The following JMJD1C variants were observed in gnomAD, a reference collection of about 807,000 sequenced individuals.
JMJD1C encodes the protein jumonji domain-containing protein 1C.
A neutral mutation model predicts 245.3 loss-of-function variants in JMJD1C; 31 were observed. That is an observed-to-expected ratio of 0.13 (90% confidence interval 0.09 to 0.17). The LOEUF (loss-of-function observed/expected upper bound fraction) is 0.17, where lower values mean the gene tolerates loss of function less well. Ranked by LOEUF, JMJD1C falls within the 10% of genes least tolerant of loss-of-function variation. The pLI is 1.00. For synonymous variants in JMJD1C, 1,057 were observed against 1,017.4 expected (o/e 1.04, Z -0.74); for missense variants, 2,691 against 3,000.2 (o/e 0.90, Z 2.41).
chr10:63,360,929 C>T (rs559809961), intron 2 of JMJD1C, among the ~76,000 whole-genome samples: 10 of 152,148 alleles, frequency 6.6e-5, no homozygotes, highest in African/African-American at 2.4e-4. Flanking sequence ...GGATTACATG[C>T]GTGAGCCACC....
intron 3 of JMJD1C, among the ~76,000 whole-genome samples, chr10:63,229,527 T>G: frequency 6.6e-6 from 1 of 152,250 alleles, no homozygotes; most frequent in South Asian, 2.1e-4. Flanking sequence ...TAATATAAAA[T>G]ATGCTTAGTC....
Position 63,487,469 on chromosome 10 carries a change from T to TA in JMJD1C, n.113+34268dup, listed in dbSNP as rs551004277. ...CAGTGGATAGAGGCTAGGATGCTGC[T>TA]AAACATCCTATAATGCCAAGGACAG... is the stretch of plus-strand genomic sequence containing the variant. On this transcript the variant is annotated intron_variant and non_coding_transcript_variant, in intron 1 of 3. Transcript: ENST00000633035. 1.1e-3 allele frequency among the ~76,000 whole-genome samples: 173 copies of TA among 152,310 alleles called. 1 individual carries two copies. Among genetic ancestry groups the TA allele is most frequent in the Non-Finnish European group, 2.2e-3 (147 of 68,026 alleles).
chr10:63,328,332 G>A (rs1253047176), intron 2 of JMJD1C, among the ~76,000 whole-genome samples: 2 of 151,842 alleles, frequency 1.3e-5, no homozygotes, highest in African/African-American at 4.8e-5. Flanking sequence ...AATTTAGCTT[G>A]TCACATATAT....
chr10:63,487,336 A>G (rs772242217), intron 1 of JMJD1C, among the ~76,000 whole-genome samples: 1 of 152,202 alleles, frequency 6.6e-6, no homozygotes, highest in Non-Finnish European at 1.5e-5. Flanking sequence ...AGTGATTCTC[A>G]ACACAGGAGG....
Position 63,208,474 on chromosome 10 carries a change from T to G in JMJD1C, c.3195A>C (p.Lys1065Asn). 1.2e-6 allele frequency: 2 copies of G among 1,613,608 alleles called. No homozygotes were observed. Among genetic ancestry groups the G allele is most frequent in the Non-Finnish European group, 1.7e-6 (2 of 1,179,560 alleles). Residue 1065 changes from lysine (K) to asparagine (N), a missense_variant, in exon 10 of 26, where the codon AAA becomes AAC. Transcript: ENST00000399262. Reference protein sequence around the residue: ...SSSSPKSHIIKQDMDVERSVS... With the variant: ...SSSSPKSHIINQDMDVERSVS... ...CTGAGCGTTCTACATCCATATCTTG[T>G]TTGATGATATGGCTTTTAGGACTGG...
intron 2 of JMJD1C, among the ~76,000 whole-genome samples, chr10:63,334,357 A>C (rs67655940): frequency 0.12 from 18,385 of 152,234 alleles, 1,488 homozygotes; most frequent in Non-Finnish European, 0.18. Context: ...ATGTTCATTA[A>C]AATACTAATG....
chr10:63,440,344 A>AG (rs1951299019), intron 1 of JMJD1C, among the ~76,000 whole-genome samples: 1 of 56,194 alleles, frequency 1.8e-5, no homozygotes, highest in South Asian at 5.7e-4. Context: ...TCAAAAGAAA[A>AG]AAAAAAAAAA....
intron 23 of JMJD1C, chr10:63,177,415 G>A: frequency 3.2e-6 from 1 of 312,614 alleles, no homozygotes. Context: ...CGCGACTCCA[G>A]ATAGCTACTT....
intron 1 of JMJD1C, among the ~76,000 whole-genome samples, chr10:63,397,204 T>C (rs1270333563): frequency 2.0e-5 from 3 of 152,200 alleles, no homozygotes; most frequent in African/African-American, 7.2e-5. Context: ...TTTATTGAAC[T>C]GATCTTTATT....
At chr10:63,475,940 G>A (rs2133167616) in intron 1 of JMJD1C, among the ~76,000 whole-genome samples, 1 of 152,260 alleles carries the variant, frequency 6.6e-6, no homozygotes. Context: ...TGGTAGCAGT[G>A]GCTCACACCT....
intron 2 of JMJD1C, among the ~76,000 whole-genome samples, chr10:63,334,479 T>C (rs1445717581): frequency 6.6e-6 from 1 of 152,136 alleles, no homozygotes; most frequent in Non-Finnish European, 1.5e-5. Context: ...CCAAATACTT[T>C]GGGAGGTCTA....
intron 1 of JMJD1C, among the ~76,000 whole-genome samples, chr10:63,482,571 G>A (rs1953862952): frequency 6.6e-6 from 1 of 152,100 alleles, no homozygotes; most frequent in Non-Finnish European, 1.5e-5. Flanking sequence ...AGGAGGCCAA[G>A]GTAGCAGTGA....
intron 3 of JMJD1C, among the ~76,000 whole-genome samples, chr10:63,245,030 G>A (rs927670975): frequency 3.3e-5 from 5 of 149,662 alleles, no homozygotes; most frequent in African/African-American, 7.4e-5. Flanking sequence ...CTAGCTATTC[G>A]GGAGGCTGAG....
At position 63,305,459 on chromosome 10, in the gene JMJD1C, C is replaced by CCTCTCTCTCTCTCT. The variant is rs371564275; in HGVS notation, c.334-40709_334-40696dup. ...GGATGACATGGCAAGACGCTCTGAC[C>CCTCTCTCTCTCTCT]CTCTCTCTCTCTCTCTCTCTCTCTC... On this transcript the variant is annotated intron_variant, in intron 2 of 25. Coordinates refer to ENST00000399262, the MANE Select transcript of JMJD1C (RefSeq NM_032776.3). Among the ~76,000 whole-genome samples the CCTCTCTCTCTCTCT allele has an allele frequency of 9.6e-4, 109 of 113,072 alleles. 6 individuals are homozygous for CCTCTCTCTCTCTCT. Among genetic ancestry groups the CCTCTCTCTCTCTCT allele is most frequent in the Middle Eastern group, 9.4e-3 (2 of 212 alleles). 74.2% of individuals were successfully genotyped at this position (113,072 alleles called of 152,430 possible). A position where few individuals can be genotyped will look rare whatever the true frequency, so the allele number is the denominator to read the frequency against.
At chr10:63,235,275 C>A (rs568430618) in intron 3 of JMJD1C, among the ~76,000 whole-genome samples, 1 of 152,024 alleles carries the variant, frequency 6.6e-6, no homozygotes, top group Non-Finnish European at 1.5e-5. Flanking sequence ...GCAGGTGGAT[C>A]GCCTGAGGTC....
intron 2 of JMJD1C, among the ~76,000 whole-genome samples, chr10:63,344,644 G>C (rs982746689): frequency 6.6e-6 from 1 of 151,960 alleles, no homozygotes; most frequent in Non-Finnish European, 1.5e-5. Context: ...CCATGTATCT[G>C]AAAGAGGACA....
chr10:63,337,539 GGAGGA>G (rs1942885693), intron 2 of JMJD1C, among the ~76,000 whole-genome samples: 1 of 68,188 alleles, frequency 1.5e-5, no homozygotes, highest in African/African-American at 5.6e-5. Context: ...GGAGGGGAGG[GGAGGA>G]GAGGACAAGA....
At chr10:63,506,909 G>T (rs1375162971) in intron 1 of JMJD1C, among the ~76,000 whole-genome samples, 2 of 147,940 alleles carry the variant, frequency 1.4e-5, no homozygotes, top group African/African-American at 5.3e-5. Context: ...TAAAAACCCT[G>T]TTCTCTGATT....
intron 2 of JMJD1C, among the ~76,000 whole-genome samples, chr10:63,302,062 G>C (rs1860160246): frequency 1.3e-5 from 2 of 152,146 alleles, no homozygotes; most frequent in South Asian, 4.1e-4. Context: ...TGTTGCCCAG[G>C]CTGGAGTGCA....
Sources: allele counts gnomAD v4.1 joint callset (sites outside exome capture counted in the v4.1 genomes callset), GRCh38; gene constraint gnomAD v4.1.1; transcripts MANE v1.5; gene names NCBI Gene and HGNC (gene_info 2026-07-23, HGNC 2026-07-21).